CCSER1: variants seen among roughly 807,000 people sequenced by gnomAD.
CCSER1 encodes the protein serine-rich coiled-coil domain-containing protein 1.
Under a neutral mutation model 82.0 loss-of-function variants are expected in CCSER1, and 41 were observed. That is an observed-to-expected ratio of 0.50 (90% CI 0.39 to 0.65). The LOEUF is 0.65. Among genes scored for constraint, CCSER1 ranks in the 30% least tolerant of loss-of-function variants. CCSER1 has a pLI of 0.00. For synonymous variants in CCSER1, 414 were observed against 383.9 expected, an observed-to-expected ratio of 1.08 and a Z score of -0.92; for missense variants, 1,119 against 1,064.2, an observed-to-expected ratio of 1.05 and a Z score of -0.72.
intron 3 of CCSER1, among the ~76,000 whole-genome samples, chr4:90,373,424 A>G (rs539005668): frequency 1.3e-5 from 2 of 152,312 alleles, no homozygotes; most frequent in South Asian, 4.1e-4. Context: ...AAGACTTGCC[A>G]AACTTAATAT....
chr4:91,507,943 A>T lies in CCSER1; in HGVS notation c.2218-90629A>T, dbSNP rs567222505. On this transcript the variant is annotated intron_variant, in intron 10 of 10. Transcript: ENST00000509176. ...CATCTTGTATCCCACAACATATCTG[A>T]GCTGGTTTATTAGTTCTAATAAGCT... Among the ~76,000 whole-genome samples the T allele has an allele frequency of 6.5e-4, 98 of 150,378 alleles. 1 individual carries two copies. The Middle Eastern group carries it at 0.045, about 69-fold the overall frequency.
At chr4:91,170,224 T>A (rs1387103157) in intron 10 of CCSER1, among the ~76,000 whole-genome samples, 1 of 152,230 alleles carries the variant, frequency 6.6e-6, no homozygotes, top group Admixed American at 6.5e-5. Context: ...TTATGTGTGA[T>A]ACCCTGTTAT....
intron 6 of CCSER1, among the ~76,000 whole-genome samples, chr4:90,669,005 G>A (rs1732306320): frequency 1.3e-5 from 2 of 152,104 alleles, no homozygotes; most frequent in Admixed American, 6.6e-5. Context: ...AGCAAATGAA[G>A]TCCAAGAAGA....
intron 4 of CCSER1, among the ~76,000 whole-genome samples, chr4:90,404,666 C>A (rs1434713350): frequency 1.3e-5 from 2 of 152,166 alleles, no homozygotes; most frequent in Admixed American, 1.3e-4. Flanking sequence ...TCTGAAAGAC[C>A]TGAACATGGA....
chr4:90,685,808 G>T (rs139072452), intron 6 of CCSER1, among the ~76,000 whole-genome samples: 332 of 152,256 alleles, frequency 2.2e-3, no homozygotes, highest in African/African-American at 7.5e-3. Flanking sequence ...TATTTTGCTG[G>T]AAACGTGAAT....
chr4:91,150,152 C>T (rs749224186), intron 10 of CCSER1, among the ~76,000 whole-genome samples: 48 of 152,112 alleles, frequency 3.2e-4, no homozygotes, highest in Non-Finnish European at 6.2e-4. Context: ...TCTTTTATTT[C>T]GTTGAGCAGT....
chr4:90,673,798 C>T (rs1310622789), intron 6 of CCSER1, among the ~76,000 whole-genome samples: 2 of 151,908 alleles, frequency 1.3e-5, no homozygotes, highest in African/African-American at 4.8e-5. Flanking sequence ...ATTATACATA[C>T]GTTTTTAAGA....
chr4:90,316,546 T>C (rs947444023), intron 3 of CCSER1, among the ~76,000 whole-genome samples: 2 of 152,218 alleles, frequency 1.3e-5, no homozygotes, highest in Non-Finnish European at 2.9e-5. Flanking sequence ...TACTGAGAGA[T>C]ATCCCATCAA....
intron 10 of CCSER1, among the ~76,000 whole-genome samples, chr4:91,410,268 A>C (rs1398177103): frequency 6.6e-6 from 1 of 152,134 alleles, no homozygotes; most frequent in African/African-American, 2.4e-5. Flanking sequence ...TTATATTCAA[A>C]TCCAAGATTT....
At chr4:91,466,971 C>T (rs1040052199) in intron 10 of CCSER1, among the ~76,000 whole-genome samples, 7 of 152,174 alleles carry the variant, frequency 4.6e-5, no homozygotes, top group African/African-American at 1.7e-4. Context: ...ATCAAGCTAC[C>T]AATGACTTTC....
At chr4:90,747,647 C>CT (rs1747724289) in intron 7 of CCSER1, among the ~76,000 whole-genome samples, 1 of 148,204 alleles carries the variant, frequency 6.7e-6, no homozygotes, top group Non-Finnish European at 1.5e-5. Flanking sequence ...TTTTTTTTTT[C>CT]TTTTTTTAAA....
chr4:91,038,459 A>G (rs1352022595), intron 9 of CCSER1, among the ~76,000 whole-genome samples: 1 of 151,066 alleles, frequency 6.6e-6, no homozygotes, highest in Non-Finnish European at 1.5e-5. Flanking sequence ...AAAAAGATTC[A>G]TGTGAAAACA....
intron 1 of CCSER1, among the ~76,000 whole-genome samples, chr4:90,187,574 G>A (rs1016880445): frequency 6.6e-6 from 1 of 151,820 alleles, no homozygotes; most frequent in Non-Finnish European, 1.5e-5. Flanking sequence ...GAGCCACAGC[G>A]AAGAATGCTT....
intron 5 of CCSER1, among the ~76,000 whole-genome samples, chr4:90,500,577 C>G (rs980667304): frequency 1.3e-5 from 2 of 152,020 alleles, no homozygotes; most frequent in South Asian, 4.1e-4. Context: ...GTGATCTACC[C>G]GCCAACTCCT....
chr4:90,567,182 A>G (rs1044968831), intron 5 of CCSER1, among the ~76,000 whole-genome samples: 3 of 151,682 alleles, frequency 2.0e-5, no homozygotes. Flanking sequence ...CCTGATTTTC[A>G]ACATTTTGTG....
At chr4:91,166,662 G>T (rs908438947) in intron 10 of CCSER1, among the ~76,000 whole-genome samples, 1 of 151,966 alleles carries the variant, frequency 6.6e-6, no homozygotes, top group Non-Finnish European at 1.5e-5. Context: ...TCTTTATTTT[G>T]TGGCAAGTCA....
At chr4:91,098,142 T>C (rs1273675371) in intron 10 of CCSER1, among the ~76,000 whole-genome samples, 2 of 152,226 alleles carry the variant, frequency 1.3e-5, no homozygotes, top group Non-Finnish European at 2.9e-5. Flanking sequence ...AGATTCTTTA[T>C]TGATGTAAAG....
chr4:90,724,835 A>G (rs1223862130), intron 7 of CCSER1, among the ~76,000 whole-genome samples: 2 of 151,826 alleles, frequency 1.3e-5, no homozygotes, highest in Non-Finnish European at 3.0e-5. Flanking sequence ...TATTTTTCAT[A>G]TAAGGAATGT....
chr4:90,770,487 A>C (rs1169381232), intron 7 of CCSER1, among the ~76,000 whole-genome samples: 4 of 152,212 alleles, frequency 2.6e-5, no homozygotes, highest in African/African-American at 9.6e-5. Context: ...TATAGAAAAT[A>C]ATGAGTTATT....
Sources: allele counts gnomAD v4.1 joint callset (sites outside exome capture counted in the v4.1 genomes callset), GRCh38; gene constraint gnomAD v4.1.1; transcripts MANE v1.5; gene names NCBI Gene and HGNC (gene_info 2026-07-23, HGNC 2026-07-21).